DMGDH: variants seen among roughly 807,000 people sequenced by gnomAD.
The protein encoded by DMGDH is dimethylglycine dehydrogenase.
DMGDH carries 76 observed loss-of-function variants against 95.2 expected under a neutral mutation model. That is an observed-to-expected ratio of 0.80 (90% CI 0.66 to 0.97). DMGDH has a LOEUF of 0.97. Among genes scored for constraint, DMGDH ranks in the 50% least tolerant of loss-of-function variants. DMGDH has a pLI of 0.00. For missense variants in DMGDH, 987 were observed against 1,055.0 expected, an observed-to-expected ratio of 0.94 and a Z score of 0.89; for synonymous variants, 345 against 377.6, an observed-to-expected ratio of 0.91 and a Z score of 1.00.
intron 7 of DMGDH, among the ~76,000 whole-genome samples, chr5:79,037,687 T>G (rs1333972479): frequency 1.3e-5 from 2 of 152,178 alleles, no homozygotes; most frequent in Non-Finnish European, 2.9e-5. Flanking sequence ...TAACTTGTTC[T>G]AGAGGAAGCA....
chr5:79,043,851 A>C (rs1754590466), intron 6 of DMGDH, among the ~76,000 whole-genome samples: 1 of 152,212 alleles, frequency 6.6e-6, no homozygotes, highest in African/African-American at 2.4e-5. Context: ...TTACAGTACC[A>C]AAAACCCTGC....
intron 10 of DMGDH, 101 bp from the exon 11 acceptor site, chr5:79,030,135 T>C: frequency 5.0e-6 from 5 of 1,005,846 alleles, no homozygotes; most frequent in Non-Finnish European, 7.4e-6. Context: ...GAATGAAAAG[T>C]ATCTGAATCT....
intron 14 of DMGDH, among the ~76,000 whole-genome samples, chr5:79,022,522 C>G (rs1271923604): frequency 1.3e-5 from 2 of 152,118 alleles, no homozygotes; most frequent in Non-Finnish European, 2.9e-5. Flanking sequence ...GGGGCCAGGT[C>G]CTTGGGCTAC....
intron 14 of DMGDH, among the ~76,000 whole-genome samples, chr5:79,018,520 G>C (rs1753788274): frequency 1.3e-5 from 2 of 152,042 alleles, no homozygotes; most frequent in South Asian, 2.1e-4. Context: ...GTGAGGCTGT[G>C]GGGAGGGTGG....
chr5:79,028,427 T>A lies in DMGDH; in HGVS notation c.2032+6A>T. On this transcript the variant is annotated splice_donor_region_variant and intron_variant, in intron 12 of 15. Transcript: ENST00000255189. Reference sequence around the variant, plus strand: ...AGACTTAGTCCAGGTTGTTTTCCAATCTTACCAGTATAAGATATCCTAATA... The same window carrying A: ...AGACTTAGTCCAGGTTGTTTTCCAAACTTACCAGTATAAGATATCCTAATA... 1 of 1,608,398 alleles carries A rather than the reference T, an allele frequency of 6.2e-7. No individual in the cohort carries two copies.
chr5:79,044,271 T>C (rs747087829), intron 6 of DMGDH, 33 bp downstream of exon 6: 2 of 1,614,110 alleles, frequency 1.2e-6, no homozygotes. Flanking sequence ...CATTCATGTC[T>C]GACTAGCACA....
intron 15 of DMGDH, among the ~76,000 whole-genome samples, chr5:79,003,633 T>C (rs960038646): frequency 1.3e-5 from 2 of 152,190 alleles, no homozygotes; most frequent in African/African-American, 4.8e-5. Context: ...GATACTCAGA[T>C]GCACAAGAAT....
intron 2 of DMGDH, among the ~76,000 whole-genome samples, chr5:79,060,288 C>T (rs750680380): frequency 6.6e-6 from 1 of 152,214 alleles, no homozygotes; most frequent in Non-Finnish European, 1.5e-5. Context: ...AGCCCCTTCT[C>T]GGGATCCCAA....
chr5:79,051,679 A>C (rs1754867933), intron 4 of DMGDH, among the ~76,000 whole-genome samples, 188 bp from the exon 5 acceptor site: 1 of 152,220 alleles, frequency 6.6e-6, no homozygotes. Context: ...GAAAAGAAAG[A>C]GAAATAAACC....
chr5:79,039,104 T>G (rs1313374850), intron 7 of DMGDH, among the ~76,000 whole-genome samples: 1 of 148,442 alleles, frequency 6.7e-6, no homozygotes, highest in African/African-American at 2.5e-5. Flanking sequence ...TTTTACACTG[T>G]TGGTGGGACT....
intron 13 of DMGDH, among the ~76,000 whole-genome samples, chr5:79,025,830 GC>G (rs1029524667): frequency 4.6e-5 from 7 of 152,308 alleles, no homozygotes; most frequent in Non-Finnish European, 8.8e-5. Context: ...CCACAGGCTG[GC>G]CACTTACTAG....
chr5:79,061,254 C>G (rs934539406), intron 2 of DMGDH, among the ~76,000 whole-genome samples: 2 of 145,144 alleles, frequency 1.4e-5, no homozygotes, highest in Non-Finnish European at 3.0e-5. Context: ...CACACACACA[C>G]ACACACACAC....
intron 15 of DMGDH, among the ~76,000 whole-genome samples, chr5:79,004,544 C>G (rs571517084): frequency 1.3e-5 from 2 of 152,192 alleles, no homozygotes; most frequent in South Asian, 4.1e-4. Context: ...GGGTGTCCCA[C>G]ATATGCCTGC....
Position 79,005,373 on chromosome 5 carries a change from T to C in DMGDH, c.2285A>G (p.Gln762Arg). 1.2e-6 allele frequency: 2 copies of C among 1,614,116 alleles called. No homozygotes were observed. The highest frequency in any genetic ancestry group is 1.7e-6 in the Non-Finnish European group (2 of 1,180,008). ...TCGTTTCAGCCCCTTGGCTTTAATC[T>C]GTTTCAGTGCTTGCTTTCCTATGAA... The part of the protein sequence containing the change: ...ADFIGKQALK[Q>R]IKAKGLKRRL... Residue 762 changes from glutamine (Q) to arginine (R), a missense_variant, in exon 15 of 16, where the codon CAG (glutamine) becomes CGG (arginine). Coordinates refer to ENST00000255189, the MANE Select transcript of DMGDH (RefSeq NM_013391.3).
At chr5:79,040,394 A>T (rs1020231860) in intron 7 of DMGDH, among the ~76,000 whole-genome samples, 1 of 152,250 alleles carries the variant, frequency 6.6e-6, no homozygotes, top group Admixed American at 6.5e-5. Context: ...TTCTGGGACA[A>T]CTGGCTATAC....
intron 13 of DMGDH, among the ~76,000 whole-genome samples, chr5:79,024,723 G>A (rs1347858951): frequency 6.6e-6 from 1 of 152,216 alleles, no homozygotes; most frequent in Non-Finnish European, 1.5e-5. Context: ...CCAAGAATCA[G>A]GGTAAGGTGG....
Position 79,054,174 on chromosome 5 carries a change from A to C in DMGDH, c.540+10T>G. ...TCAACAAATGGTAAAAATGCCCTTA[A>C]GATAAATACCTTATTCATGTTGAGT... On this transcript the variant is annotated intron_variant, in intron 4 of 15. Coordinates refer to ENST00000255189, the MANE Select transcript of DMGDH (RefSeq NM_013391.3). The C allele has an allele frequency of 6.2e-7, 1 of 1,613,330 alleles. No individual in the cohort carries two copies. The highest frequency in any genetic ancestry group is 8.5e-7 in the Non-Finnish European group (1 of 1,179,828).
chr5:79,013,311 C>T (rs1753677061), intron 14 of DMGDH, among the ~76,000 whole-genome samples: 1 of 152,158 alleles, frequency 6.6e-6, no homozygotes, highest in African/African-American at 2.4e-5. Context: ...CAAAAGTGAC[C>T]TTTATTCCCA....
At position 79,042,305 on chromosome 5, in the gene DMGDH, A is replaced by G. The variant is rs761916770; in HGVS notation, c.1171T>C (p.Tyr391His). 1 of 1,614,204 alleles carries G rather than the reference A, an allele frequency of 6.2e-7. No homozygotes were observed. Among genetic ancestry groups the G allele is most frequent in the East Asian group, 2.2e-5 (1 of 44,886 alleles). ...TACCCAAAGCCTATAGCCACCCAGT[A>G]GTTTCTGACCCCCTGATGGGGCCCC... ...MVGPHQGVRN[Y>H]WVAIGFGYGI... Residue 391 changes from tyrosine (Y) to histidine (H), a missense_variant, in exon 7 of 16, where the codon TAC becomes CAC. Physicochemically the swap from Tyr to His is moderately conservative, Grantham distance 83. Coordinates refer to ENST00000255189, the MANE Select transcript of DMGDH (RefSeq NM_013391.3).
Sources: allele counts gnomAD v4.1 joint callset (sites outside exome capture counted in the v4.1 genomes callset), GRCh38; gene constraint gnomAD v4.1.1; transcripts MANE v1.5; gene names NCBI Gene and HGNC (gene_info 2026-07-23, HGNC 2026-07-21).